Variants in NME5 observed in about 807,000 individuals in gnomAD.
NME5 encodes nucleoside diphosphate kinase 5.
Under a neutral mutation model 21.6 loss-of-function variants are expected in NME5, and 18 were observed. The ratio of observed to expected loss-of-function variants is 0.83; its 90% CI spans 0.58 to 1.24. The LOEUF (loss-of-function observed/expected upper bound fraction) is 1.24. NME5 is among the 50% of genes most tolerant of loss of function. NME5 has a pLI of 0.00. For synonymous variants in NME5, 70 were observed against 80.6 expected (o/e 0.87, Z 0.71); for missense variants, 223 against 255.4 (o/e 0.87, Z 0.86).
intron 4 of NME5, chr5:138,127,473 A>C: frequency 1.0e-6 from 1 of 976,720 alleles, no homozygotes; most frequent in South Asian, 4.7e-5. Context: ...ATTTGAATGA[A>C]TATCCAGTGG....
chr5:138,126,740 G>C (rs1751436847), intron 4 of NME5, among the ~76,000 whole-genome samples: 1 of 151,784 alleles, frequency 6.6e-6, no homozygotes, highest in Non-Finnish European at 1.5e-5. Flanking sequence ...TTGAGCCCAG[G>C]AGTTCAAGAC....
At chr5:138,132,931 C>T (rs551995740) in intron 2 of NME5, among the ~76,000 whole-genome samples, 1 of 151,586 alleles carries the variant, frequency 6.6e-6, no homozygotes, top group South Asian at 2.1e-4. Flanking sequence ...TATGATTATG[C>T]GTATTAGCGT....
chr5:138,126,834 G>A (rs1041825349), intron 4 of NME5, among the ~76,000 whole-genome samples: 2 of 151,818 alleles, frequency 1.3e-5, no homozygotes, highest in Admixed American at 1.3e-4. Context: ...TGTGGTTCCA[G>A]CTACTCAAAG....
chr5:138,139,356 T>A lies in NME5; in HGVS notation c.-6+15A>T. 1.0e-6 allele frequency: 1 copy of A among 985,970 alleles called. No homozygotes were observed. Among genetic ancestry groups the A allele is most frequent in the Non-Finnish European group, 1.2e-6 (1 of 830,434 alleles). The allele number at this position is 985,970 out of a possible 1,614,324, so 61.1% of individuals were successfully genotyped here. On this transcript the variant is annotated intron_variant, in intron 1 of 5. Coordinates refer to ENST00000265191, the MANE Select transcript of NME5 (RefSeq NM_003551.3). ...CACCTGCAAATTCTGAATTTGACCC[T>A]CTCTAAGTACTCACCTCAGCGGCCG...
At position 138,115,735 on chromosome 5, in the gene NME5, A is replaced by C. The variant is rs763206689; in HGVS notation, c.585T>G (p.Asn195Lys). ...LIWLADWLLK[N>K]NPNKPKLCHH... ...GACAAAGTTTGGGTTTGTTAGGATT[A>C]TTTTTCAGCAGCCAATCAGCTAGCC... Residue 195 changes from asparagine (N) to lysine (K), a missense_variant, in exon 6 of 6, where the codon AAT becomes AAG. By Grantham distance (94) the Asn-to-Lys change is moderately conservative. Transcript: ENST00000265191. 6.3e-7 allele frequency: 1 copy of C among 1,584,010 alleles called. No homozygotes were observed. Among genetic ancestry groups the C allele is most frequent in the Non-Finnish European group, 8.5e-7 (1 of 1,171,306 alleles).
chr5:138,128,635 T>C (rs1751488652), intron 3 of NME5, 56 bp from the exon 4 acceptor site: 6 of 1,153,872 alleles, frequency 5.2e-6, no homozygotes, highest in Non-Finnish European at 7.6e-6. Flanking sequence ...CCTTACTTTA[T>C]ATGCATGCAT....
chr5:138,120,230 C>CTTT (rs59354099), intron 4 of NME5, among the ~76,000 whole-genome samples: 1,607 of 86,686 alleles, frequency 0.019, 55 homozygotes, highest in East Asian at 0.028. Flanking sequence ...GCTCCCAGCT[C>CTTT]TTTTTTTTTT....
chr5:138,135,978 C>CA (rs1751690003), intron 2 of NME5, among the ~76,000 whole-genome samples: 1 of 152,050 alleles, frequency 6.6e-6, no homozygotes, highest in South Asian at 2.1e-4. Flanking sequence ...TGCTTTCTTC[C>CA]GTTAACAGTA....
intron 4 of NME5, among the ~76,000 whole-genome samples, chr5:138,123,588 C>CCA (rs1485255239): frequency 6.6e-6 from 1 of 152,104 alleles, no homozygotes; most frequent in Non-Finnish European, 1.5e-5. Context: ...TGTATATACA[C>CCA]CACATTTTCT....
intron 1 of NME5, 69 bp downstream of exon 1, chr5:138,139,302 C>T (rs1751815312): frequency 2.2e-6 from 2 of 928,844 alleles, no homozygotes; most frequent in South Asian, 5.0e-5. Flanking sequence ...AAAGCAGGGC[C>T]TCTAGGTCCG....
intron 5 of NME5, among the ~76,000 whole-genome samples, 177 bp downstream of exon 5, chr5:138,118,641 C>T (rs997604115): frequency 9.2e-5 from 14 of 152,108 alleles, no homozygotes; most frequent in African/African-American, 2.9e-4. Context: ...CATGCCACCA[C>T]GCCCAGCTAA....
At chr5:138,129,774 A>G (rs1313461508) in intron 2 of NME5, among the ~76,000 whole-genome samples, 3 of 152,090 alleles carry the variant, frequency 2.0e-5, no homozygotes, top group Admixed American at 6.5e-5. Context: ...CCTAGGCAAC[A>G]CAGTGAAACC....
At chr5:138,124,930 G>A (rs1581379808) in intron 4 of NME5, among the ~76,000 whole-genome samples, 1 of 151,842 alleles carries the variant, frequency 6.6e-6, no homozygotes, top group Non-Finnish European at 1.5e-5. Context: ...TTATTTATTT[G>A]TTTGTTTGTT....
In NME5 at chr5:138,129,358, G is replaced by A. The variant is rs375295852; in HGVS notation, c.240C>T (p.Val80=). 25 of 1,613,694 alleles carry A rather than the reference G, an allele frequency of 1.5e-5. No individual in the cohort carries two copies. Among genetic ancestry groups the A allele is most frequent in the Non-Finnish European group, 2.0e-5 (24 of 1,179,786 alleles). ...CTTTATGTCTAGCTAATATCATGGC[G>A]ACAAGTGGTCCAGAACTCATGTAAG... ...LTAYMSSGPL[V]AMILARHKAI... is the part of the protein sequence containing the mutation. The change falls in exon 3 of 6, where the codon GTC becomes GTT. Residue 80 remains valine (V), a synonymous_variant. Coordinates refer to ENST00000265191, the MANE Select transcript of NME5 (RefSeq NM_003551.3).
intron 1 of NME5, chr5:138,139,024 G>A (rs1308345265): frequency 2.9e-6 from 1 of 342,952 alleles, no homozygotes; most frequent in Non-Finnish European, 5.2e-6. Context: ...TGTCACCAAG[G>A]CAGGAAGGAC....
intron 4 of NME5, chr5:138,127,412 G>C (rs969410833): frequency 1.1e-6 from 1 of 928,304 alleles, no homozygotes; most frequent in Admixed American, 6.2e-5. Flanking sequence ...CCAAAAAAAA[G>C]AAAAAAAATA....
intron 3 of NME5, 83 bp from the exon 4 acceptor site, chr5:138,128,662 A>G: frequency 1.1e-6 from 1 of 883,172 alleles, no homozygotes. Context: ...TAAGAATTTT[A>G]CAAAAGCATT....
Position 138,138,669 on chromosome 5 carries a change from C to A in NME5, c.112G>T (p.Gly38Ter), listed in dbSNP as rs1751780047. 1.2e-6 allele frequency: 2 copies of A among 1,611,054 alleles called. No individual in the cohort carries two copies. The highest frequency in any genetic ancestry group is 4.5e-5 in the East Asian group (2 of 44,790). ...GAAGTTACCTGAACAATGGTGAATC[C>A]GGATCTAAGAATAATATCTTGTATC... is the stretch of plus-strand genomic sequence containing the variant. ...EEIQDIILRS[G>*]FTIVQRRKLR... The change falls in exon 2 of 6, where the codon GGA becomes TGA. Residue 38 changes from glycine (G) to a stop codon, truncating the protein, a stop_gained. Coordinates refer to ENST00000265191, the MANE Select transcript of NME5 (RefSeq NM_003551.3). LOFTEE classifies it high-confidence loss of function.
At chr5:138,123,408 T>C (rs2151161174) in intron 4 of NME5, among the ~76,000 whole-genome samples, 1 of 152,272 alleles carries the variant, frequency 6.6e-6, no homozygotes, top group Middle Eastern at 3.4e-3. Flanking sequence ...GTGGCCACCA[T>C]TCTACTCTCC....
Sources: gnomAD v4.1 joint callset for allele counts (sites outside exome capture counted in the v4.1 genomes callset) on GRCh38, gnomAD v4.1.1 for gene constraint, MANE v1.5 for transcripts, NCBI Gene and HGNC (gene_info 2026-07-23, HGNC 2026-07-21) for gene names.